The following TRIM40 variants were observed in gnomAD, a reference collection of about 807,000 sequenced individuals.
TRIM40 encodes the protein tripartite motif containing 40.
TRIM40 carries 27 observed loss-of-function variants against 26.1 expected under a neutral mutation model. The ratio of observed to expected loss-of-function variants is 1.04; its 90% CI spans 0.76 to 1.43. The LOEUF (loss-of-function observed/expected upper bound fraction) is 1.43, where lower values mean the gene tolerates loss of function less well. Among genes scored for constraint, TRIM40 ranks in the 40% most tolerant of loss-of-function variants. The pLI, the probability that TRIM40 is intolerant of heterozygous loss-of-function variation, is 0.00. For synonymous variants in TRIM40, 114 were observed against 120.0 expected, an observed-to-expected ratio of 0.95 and a Z score of 0.33; for missense variants, 289 against 307.9, an observed-to-expected ratio of 0.94 and a Z score of 0.46.
At position 30,146,680 on chromosome 6, in the gene TRIM40, G is replaced by A. The variant is rs1056007505; in HGVS notation, c.442-305G>A. Among the ~76,000 whole-genome samples the A allele has an allele frequency of 5.3e-5, 8 of 151,992 alleles. 1 individual carries two copies. Among genetic ancestry groups the A allele is most frequent in the South Asian group, 4.2e-4 (2 of 4,804 alleles). ...CCCGCCTTGGCCTCCCAAAGTGCTGGGATTACAGGTGTGAGCCACCGTGCC... is the reference window on the plus strand; with the variant it reads ...CCCGCCTTGGCCTCCCAAAGTGCTGAGATTACAGGTGTGAGCCACCGTGCC... On this transcript the variant is annotated intron_variant, in intron 3 of 5. Coordinates refer to ENST00000396581, the MANE Select transcript of TRIM40 (RefSeq NM_001286633.2).
Position 30,136,995 on chromosome 6 carries a change from G to A in TRIM40, c.-42G>A. 6.3e-7 allele frequency: 1 copy of A among 1,581,494 alleles called. No homozygotes were observed. The highest frequency in any genetic ancestry group is 8.6e-7 in the Non-Finnish European group (1 of 1,160,746). On this transcript the variant is annotated 5_prime_UTR_variant, in exon 2 of 6. Coordinates refer to ENST00000396581, the MANE Select transcript of TRIM40 (RefSeq NM_001286633.2). ...GGCCTTCCGAAGACCAGTGAAGAAG[G>A]AGGCCCTGCAAACAGGAGGCTGACA...
intron 2 of TRIM40, among the ~76,000 whole-genome samples, chr6:30,138,109 A>G (rs146640348): frequency 1.3e-5 from 2 of 151,986 alleles, no homozygotes; most frequent in African/African-American, 2.4e-5. Context: ...GATTCTCTCT[A>G]TATTTTTTTC....
chr6:30,147,536 T>C lies in TRIM40; in HGVS notation c.683T>C (p.Leu228Pro), dbSNP rs139315099. The change falls in exon 5 of 6, where the codon CTG becomes CCG. Residue 228 changes from leucine (L) to proline (P), a missense_variant. Transcript: ENST00000396581. ...TNTLKNAGDL[L>P]NRSAPQKLEV... ...CTCTCCTAGAATGCTGGTGACTTAC[T>C]GAACAGGTACGAGCTGTCCCTTCTT... The C allele has an allele frequency of 2.5e-6, 4 of 1,614,082 alleles. No individual in the cohort carries two copies. In the African/African-American group the frequency reaches 4.0e-5, roughly 16 times the overall value.
At position 30,148,063 on chromosome 6, in the gene TRIM40, G is replaced by A. The variant is rs1771781663; in HGVS notation, c.*251G>A. ...GCCACTGTGGAGGTCGGGGCCCATG[G>A]TCTCCAGGAGCATTTGTGAAATCTC... is the stretch of plus-strand genomic sequence containing the variant. On this transcript the variant is annotated 3_prime_UTR_variant, in exon 6 of 6. Transcript: ENST00000396581. 1 of 566,392 alleles carries A rather than the reference G, an allele frequency of 1.8e-6. No individual in the cohort carries two copies. The highest frequency in any genetic ancestry group is 3.0e-5 in the Admixed American group (1 of 33,026). 35.1% of individuals were successfully genotyped at this position (566,392 alleles called of 1,614,324 possible).
chr6:30,146,228 C>T, intron 3 of TRIM40, 139 bp downstream of exon 3: 1 of 703,852 alleles, frequency 1.4e-6, no homozygotes, highest in Non-Finnish European at 2.4e-6. Context: ...CGGGTGTTGG[C>T]CTTGGCGTCA....
chr6:30,141,053 G>A (rs575308077), intron 2 of TRIM40, among the ~76,000 whole-genome samples: 1 of 152,306 alleles, frequency 6.6e-6, no homozygotes, highest in African/African-American at 2.4e-5. Flanking sequence ...AGGCCAAAGT[G>A]GGAGGATCGC....
At chr6:30,138,919 A>C (rs1771170836) in intron 2 of TRIM40, among the ~76,000 whole-genome samples, 1 of 152,232 alleles carries the variant, frequency 6.6e-6, no homozygotes, top group African/African-American at 2.4e-5. Flanking sequence ...AAAAAGCCAG[A>C]GGCAAAGTTC....
At chr6:30,140,773 T>G (rs962015268) in intron 2 of TRIM40, among the ~76,000 whole-genome samples, 8 of 152,146 alleles carry the variant, frequency 5.3e-5, no homozygotes, top group African/African-American at 1.9e-4. Flanking sequence ...CTTCATGAGT[T>G]TCTGGTTTGA....
At position 30,147,535 on chromosome 6, in the gene TRIM40, C is replaced by G. The variant is rs781073488; in HGVS notation, c.682C>G (p.Leu228Val). ...TCTCTCCTAGAATGCTGGTGACTTA[C>G]TGAACAGGTACGAGCTGTCCCTTCT... The part of the protein sequence containing the change: ...TNTLKNAGDL[L>V]NRSAPQKLEV... The change falls in exon 5 of 6, where the codon CTG becomes GTG. Residue 228 changes from leucine to valine, a missense_variant. Transcript: ENST00000396581. The G allele has an allele frequency of 1.9e-6, 3 of 1,614,054 alleles. No individual in the cohort carries two copies. In the African/African-American group the frequency reaches 4.0e-5, roughly 22 times the overall value.
intron 2 of TRIM40, among the ~76,000 whole-genome samples, chr6:30,138,263 G>A (rs181329892): frequency 2.6e-5 from 4 of 152,278 alleles, no homozygotes; most frequent in African/African-American, 2.4e-5. Context: ...TCATTTCCAA[G>A]CTATTGTTTT....
intron 2 of TRIM40, among the ~76,000 whole-genome samples, chr6:30,141,347 C>T (rs1012770753): frequency 2.6e-5 from 4 of 152,024 alleles, no homozygotes; most frequent in Non-Finnish European, 5.9e-5. Context: ...AAACAAACAA[C>T]CAAGAAACCA....
intron 2 of TRIM40, among the ~76,000 whole-genome samples, chr6:30,140,834 A>T (rs1771303522): frequency 1.3e-5 from 2 of 152,234 alleles, no homozygotes; most frequent in Admixed American, 6.5e-5. Flanking sequence ...ACAGGTTTGA[A>T]TGCAACACCA....
At chr6:30,146,932 G>A in intron 3 of TRIM40, 53 bp from the exon 4 acceptor site, 1 of 1,518,070 alleles carries the variant, frequency 6.6e-7, no homozygotes, top group Non-Finnish European at 8.9e-7. Flanking sequence ...AGACTGTGAA[G>A]GGCCAGGAGG....
intron 3 of TRIM40, among the ~76,000 whole-genome samples, chr6:30,146,752 A>G (rs1255737248): frequency 1.3e-5 from 2 of 152,208 alleles, no homozygotes; most frequent in African/African-American, 4.8e-5. Context: ...CTACCTTTCT[A>G]TTCCTCTTGG....
chr6:30,140,581 G>T (rs368413621), intron 2 of TRIM40, among the ~76,000 whole-genome samples: 1 of 152,088 alleles, frequency 6.6e-6, no homozygotes, highest in African/African-American at 2.4e-5. Flanking sequence ...GGGATGGGGG[G>T]TAGGGGAGGG....
intron 2 of TRIM40, among the ~76,000 whole-genome samples, chr6:30,141,184 C>T (rs1267559542): frequency 1.3e-5 from 2 of 152,108 alleles, no homozygotes; most frequent in Non-Finnish European, 2.9e-5. Context: ...CAATTTGGGG[C>T]TGGGTGCAGT....
Position 30,137,237 on chromosome 6 carries a change from A to G in TRIM40, c.201A>G (p.Thr67=), listed in dbSNP as rs1274785667. 1.2e-6 allele frequency: 2 copies of G among 1,612,962 alleles called. No homozygotes were observed. Among genetic ancestry groups the G allele is most frequent in the African/African-American group, 1.3e-5 (1 of 74,928 alleles). Residue 67 remains threonine, a synonymous_variant, in exon 2 of 6, where the codon ACA becomes ACG. Coordinates refer to ENST00000396581, the MANE Select transcript of TRIM40 (RefSeq NM_001286633.2). Reference sequence around the variant, plus strand: ...CCTGTTCTGAGGAGGTGCTAGGGACAGGCTATATCTGCCCCAACCACCAGA... The same window carrying G: ...CCTGTTCTGAGGAGGTGCTAGGGACGGGCTATATCTGCCCCAACCACCAGA... The part of the protein sequence containing the change: ...RKPCSEEVLG[T]GYICPNHQKR...
At position 30,146,979 on chromosome 6, in the gene TRIM40, C is replaced by T; in HGVS notation, c.442-6C>T. 6.3e-7 allele frequency: 1 copy of T among 1,574,980 alleles called. No homozygotes were observed. The highest frequency in any genetic ancestry group is 1.4e-5 in the African/African-American group (1 of 73,952). Reference sequence around the variant, plus strand: ...CACTGAGTCTTAGGGAGCCCCTTTCCTGTAGTTTCAGGTAGACCACGGGAA... The same window carrying T: ...CACTGAGTCTTAGGGAGCCCCTTTCTTGTAGTTTCAGGTAGACCACGGGAA... On this transcript the variant is annotated splice_polypyrimidine_tract_variant and splice_region_variant and intron_variant, in intron 3 of 5. Coordinates refer to ENST00000396581, the MANE Select transcript of TRIM40 (RefSeq NM_001286633.2).
Position 30,148,141 on chromosome 6 carries a change from T to C in TRIM40, c.*329T>C, listed in dbSNP as rs1298212679. ...CCCATCTCTCACAATCTCATTCAAA[T>C]AGGATCCTCCAGGCCTCTGAATGGC... On this transcript the variant is annotated 3_prime_UTR_variant, in exon 6 of 6. Transcript: ENST00000396581. 23 of 425,388 alleles carry C rather than the reference T, an allele frequency of 5.4e-5. No homozygotes were observed. The highest frequency in any genetic ancestry group is 9.8e-5 in the Non-Finnish European group (23 of 234,488). 26.4% of individuals were successfully genotyped at this position (425,388 alleles called of 1,614,324 possible). A position where few individuals can be genotyped will look rare whatever the true frequency, so the allele number is the denominator to read the frequency against.
Sources: gnomAD v4.1 joint callset for allele counts (sites outside exome capture counted in the v4.1 genomes callset) on GRCh38, gnomAD v4.1.1 for gene constraint, MANE v1.5 for transcripts, NCBI Gene and HGNC (gene_info 2026-07-23, HGNC 2026-07-21) for gene names.